The following UCKL1 variants were observed in gnomAD, a reference collection of about 807,000 sequenced individuals.
UCKL1 encodes uridine-cytidine kinase-like 1.
UCKL1 carries 65 observed loss-of-function variants against 59.2 expected under a neutral mutation model. The observed-to-expected ratio is 1.10, with a 90% confidence interval of 0.90 to 1.35. The LOEUF is 1.35. UCKL1 is among the 40% of genes most tolerant of loss of function. The pLI, the probability that UCKL1 is intolerant of heterozygous loss-of-function variation, is 0.00. For synonymous variants in UCKL1, 410 were observed against 323.1 expected (o/e 1.27, Z -2.88); for missense variants, 703 against 784.3 (o/e 0.90, Z 1.24).
rs904344019 is a variant in UCKL1 at position 63,948,789 on chromosome 20, C to T, written c.114-2146G>A. ...CTCTGGCCACCAAGATTTGGAACAG[C>T]AACTTCTGTCACATTTGAATGTTTT... On this transcript the variant is annotated intron_variant, in intron 1 of 14. Coordinates refer to ENST00000354216, the MANE Select transcript of UCKL1 (RefSeq NM_017859.4). 2.0e-4 allele frequency among the ~76,000 whole-genome samples: 31 copies of T among 151,878 alleles called. No individual in the cohort carries two copies. The Middle Eastern group carries it at 0.017, about 84-fold the overall frequency.
At chr20:63,948,606 T>TGAGAGGGGCGTGTGA (rs2056953693) in intron 1 of UCKL1, 1 of 107,706 alleles carries the variant, frequency 9.3e-6, no homozygotes, top group Non-Finnish European at 1.9e-5. Flanking sequence ...GGGGCGTGTG[T>TGAGAGGGGCGTGTGA]GAGAGGGAGG....
intron 7 of UCKL1, 69 bp downstream of exon 7, chr20:63,944,328 G>T: frequency 7.0e-7 from 1 of 1,423,088 alleles, no homozygotes; most frequent in South Asian, 1.3e-5. Context: ...GGCCACTGGG[G>T]GTGGTGGCAG....
intron 1 of UCKL1, 189 bp downstream of exon 1, chr20:63,956,071 A>G: frequency 2.0e-6 from 1 of 492,806 alleles, no homozygotes; most frequent in Non-Finnish European, 3.5e-6. Context: ...GGCTTGGGCC[A>G]GGTCCGTCCT....
Position 63,940,838 on chromosome 20 carries a change from G to A in UCKL1, c.1135C>T (p.Pro379Ser). 1 of 1,559,122 alleles carries A rather than the reference G, an allele frequency of 6.4e-7. No individual in the cohort carries two copies. The highest frequency in any genetic ancestry group is 8.7e-7 in the Non-Finnish European group (1 of 1,152,808). The stretch of plus-strand genomic sequence containing the variant: ...TTGCCCGCATAGTCCTGCCCCTGCG[G>A]GGTCTGTACGACGCAGTCCTGTGGG... ...LPFQDCVVQT[P>S]QGQDYAGKCY... Residue 379 changes from proline (P) to serine (S), a missense_variant, in exon 11 of 15, where the codon CCG becomes TCG. By Grantham distance (74) the Pro-to-Ser change is moderately conservative. This residue lies in a region of UCKL1 where 156 missense variants were observed against 185.6 expected (regional missense o/e 0.84). Coordinates refer to ENST00000354216, the MANE Select transcript of UCKL1 (RefSeq NM_017859.4).
chr20:63,946,687 C>A, intron 1 of UCKL1, 44 bp from the exon 2 acceptor site: 2 of 1,578,766 alleles, frequency 1.3e-6, no homozygotes, highest in Non-Finnish European at 1.7e-6. Flanking sequence ...AGCTGCCCAC[C>A]TCCCAGGTAC....
intron 1 of UCKL1, among the ~76,000 whole-genome samples, chr20:63,948,633 A>AGGGGCGTGTGTGAGGG (rs1569123542): frequency 5.7e-4 from 2 of 3,536 alleles, no homozygotes; most frequent in African/African-American, 1.4e-3. Context: ...TGTGAGAGGG[A>AGGGGCGTGTGTGAGGG]AGGGGCGTGT....
At chr20:63,951,282 C>T in intron 1 of UCKL1, 1 of 848,436 alleles carries the variant, frequency 1.2e-6, no homozygotes, top group Non-Finnish European at 1.4e-6. Flanking sequence ...TGAACTGCCC[C>T]CTCCTGTGTG....
chr20:63,945,463 C>T (rs2055913122), intron 5 of UCKL1, among the ~76,000 whole-genome samples, 188 bp downstream of exon 5: 2 of 152,238 alleles, frequency 1.3e-5, no homozygotes, highest in Admixed American at 6.5e-5. Flanking sequence ...CAGCCACGCT[C>T]TGCCTTTTGG....
intron 1 of UCKL1, chr20:63,948,139 G>C (rs2056748263): frequency 6.6e-6 from 1 of 152,292 alleles, no homozygotes; most frequent in South Asian, 2.1e-4. Context: ...CGAGCTGGCT[G>C]TGGTGGCCTC....
At chr20:63,946,018 C>T (rs764578306) in intron 3 of UCKL1, 43 bp from the exon 4 acceptor site, 2 of 1,612,340 alleles carry the variant, frequency 1.2e-6, no homozygotes, top group Admixed American at 1.7e-5. Flanking sequence ...ACAGTAGGGC[C>T]CTCACCCAAT....
intron 1 of UCKL1, among the ~76,000 whole-genome samples, chr20:63,949,088 G>A (rs2057147065): frequency 6.6e-6 from 1 of 152,178 alleles, no homozygotes; most frequent in South Asian, 2.1e-4. Flanking sequence ...CGGGGAAAAC[G>A]CGCTGTGCCT....
intron 8 of UCKL1, chr20:63,942,501 G>T: frequency 8.5e-7 from 1 of 1,176,022 alleles, no homozygotes; most frequent in Non-Finnish European, 1.1e-6. Context: ...TGCTTGCCAG[G>T]TGAAGAGCAT....
In UCKL1 at chr20:63,945,729, A is replaced by G. The variant is rs373911765; in HGVS notation, c.583-7T>C. On this transcript the variant is annotated splice_polypyrimidine_tract_variant and splice_region_variant and intron_variant, in intron 4 of 14. Coordinates refer to ENST00000354216, the MANE Select transcript of UCKL1 (RefSeq NM_017859.4). Reference sequence around the variant, plus strand: ...TTGCACCATACAGTGTTTTCTGTGAAGAAACCCAGGAGTTGCGGAGCCTGG... The same window carrying G: ...TTGCACCATACAGTGTTTTCTGTGAGGAAACCCAGGAGTTGCGGAGCCTGG... 4.5e-4 allele frequency: 727 copies of G among 1,612,832 alleles called. No homozygotes were observed. The highest frequency in any genetic ancestry group is 5.5e-4 in the Non-Finnish European group (653 of 1,179,640).
chr20:63,945,598 G>C, intron 5 of UCKL1, 53 bp downstream of exon 5: 1 of 1,588,538 alleles, frequency 6.3e-7, no homozygotes, highest in African/African-American at 1.3e-5. Context: ...CTCATGGACA[G>C]GGCGGCCAGG....
intron 8 of UCKL1, chr20:63,942,475 C>G (rs1235282881): frequency 8.5e-7 from 1 of 1,176,010 alleles, no homozygotes; most frequent in Non-Finnish European, 1.1e-6. Flanking sequence ...CTCACATATC[C>G]CAACGTAGCT....
rs143170856 is a variant in UCKL1 at position 63,940,971 on chromosome 20, C to T, written c.1095G>A (p.Ala365=). The T allele has an allele frequency of 3.1e-5, 47 of 1,527,090 alleles. No individual in the cohort carries two copies. In the African/African-American group the frequency reaches 5.4e-4, roughly 17 times the overall value. 94.6% of individuals were successfully genotyped at this position (1,527,090 alleles called of 1,614,324 possible). A position where few individuals can be genotyped will look rare whatever the true frequency, so the allele number is the denominator to read the frequency against. ...KRLMRLLIEH[A]LSFLPFQDCV... is the part of the protein sequence containing the mutation. ...GAACCTGAAAGGGCAGGAAGGAGAG[C>T]GCGTGCTCGATGAGCAGCCGCATCA... The change falls in exon 10 of 15, where the codon GCG becomes GCA. Residue 365 remains alanine (A), a synonymous_variant. Coordinates refer to ENST00000354216, the MANE Select transcript of UCKL1 (RefSeq NM_017859.4).
rs143287906 is a variant in UCKL1 at position 63,944,739 on chromosome 20, T to C, written c.655-5A>G. The C allele has an allele frequency of 1.4e-3, 2,305 of 1,612,182 alleles. 20 individuals carry two copies. In the African/African-American group the frequency reaches 0.027, roughly 19 times the overall value. The stretch of plus-strand genomic sequence containing the variant: ...AAAGATCTTCATGTCCAGGAGCTGG[T>C]GGAGACAGCGGGCCAGTGAGTGGCC... On this transcript the variant is annotated splice_region_variant and splice_polypyrimidine_tract_variant and intron_variant, in intron 5 of 14. Transcript: ENST00000354216.
chr20:63,943,607 G>A, intron 8 of UCKL1, 46 bp downstream of exon 8: 1 of 1,612,298 alleles, frequency 6.2e-7, no homozygotes, highest in Non-Finnish European at 8.5e-7. Context: ...CTCCTTGGAG[G>A]TGTTGGAAGT....
intron 7 of UCKL1, among the ~76,000 whole-genome samples, chr20:63,944,090 G>A (rs746129529): frequency 3.9e-5 from 6 of 152,232 alleles, no homozygotes; most frequent in Admixed American, 6.5e-5. Flanking sequence ...GGGCCAGCAG[G>A]TCATGCCTGT....
Sources: gnomAD v4.1 joint callset for allele counts (sites outside exome capture counted in the v4.1 genomes callset) on GRCh38, gnomAD v4.1.1 for gene constraint, gnomAD v4.1.1 regional missense constraint, MANE v1.5 for transcripts, NCBI Gene and HGNC (gene_info 2026-07-23, HGNC 2026-07-21) for gene names.